SAMD3: variants seen among roughly 807,000 people sequenced by gnomAD.
SAMD3 encodes sterile alpha motif domain containing 3.
SAMD3 carries 63 observed loss-of-function variants against 58.5 expected under a neutral mutation model. The ratio of observed to expected loss-of-function variants is 1.08; its 90% confidence interval spans 0.88 to 1.33. The LOEUF (loss-of-function observed/expected upper bound fraction) is 1.33. SAMD3 is among the 40% of genes most tolerant of loss of function. SAMD3 has a pLI of 0.00. For missense variants in SAMD3, 604 were observed against 608.4 expected (o/e 0.99, Z 0.08); for synonymous variants, 220 against 210.3 (o/e 1.05, Z -0.40).
At chr6:130,273,614 A>G (rs1054879030) in intron 2 of SAMD3, among the ~76,000 whole-genome samples, 1 of 135,510 alleles carries the variant, frequency 7.4e-6, no homozygotes, top group Non-Finnish European at 1.6e-5. Flanking sequence ...TTTTTTTTGT[A>G]GATATAGTCT....
At chr6:130,281,005 G>A (rs1054363131) in intron 2 of SAMD3, among the ~76,000 whole-genome samples, 1 of 152,124 alleles carries the variant, frequency 6.6e-6, no homozygotes, top group African/African-American at 2.4e-5. Flanking sequence ...CTACACATAT[G>A]TGCCTATAAT....
intron 2 of SAMD3, among the ~76,000 whole-genome samples, chr6:130,279,139 T>C (rs1277788396): frequency 6.6e-6 from 1 of 152,204 alleles, no homozygotes; most frequent in Non-Finnish European, 1.5e-5. Flanking sequence ...AGTATTATTA[T>C]AAGATTATAG....
At chr6:130,257,161 C>G (rs1583015149) in intron 2 of SAMD3, among the ~76,000 whole-genome samples, 2 of 152,248 alleles carry the variant, frequency 1.3e-5, no homozygotes, top group East Asian at 1.9e-4. Flanking sequence ...CTCTGTCTCT[C>G]TCTCTCTCTC....
chr6:130,280,329 GTAATGACATACCTCT>G (rs746192155), intron 2 of SAMD3, among the ~76,000 whole-genome samples: 8 of 151,946 alleles, frequency 5.3e-5, no homozygotes, highest in Non-Finnish European at 1.0e-4. Context: ...ATAATGGCAT[GTAATGACATACCTCT>G]TACCCTTCTC....
chr6:130,312,936 T>G (rs1583088642), intron 2 of SAMD3: 2 of 152,346 alleles, frequency 1.3e-5, no homozygotes, highest in African/African-American at 4.8e-5. Flanking sequence ...AGTCTCGTAG[T>G]GCATAGCACG....
upstream of SAMD3, chr6:130,365,439 G>C: frequency 1.0e-6 from 1 of 985,530 alleles, no homozygotes; most frequent in Non-Finnish European, 1.2e-6. Flanking sequence ...GCCAGGTTTG[G>C]TTTAGCTCGC....
intron 2 of SAMD3, among the ~76,000 whole-genome samples, chr6:130,253,337 G>C (rs9483099): frequency 0.024 from 3,580 of 152,296 alleles, 141 homozygotes; most frequent in African/African-American, 0.082. Flanking sequence ...TCTGGGTGCA[G>C]TCCTTGTTTA....
At chr6:130,145,966 A>G in intron 10 of SAMD3, 44 bp downstream of exon 10, 1 of 1,216,040 alleles carries the variant, frequency 8.2e-7, no homozygotes, top group Non-Finnish European at 1.1e-6. Context: ...AGATATTCTG[A>G]TAAATAACAG....
At chr6:130,292,348 G>C (rs950148640) in intron 2 of SAMD3, among the ~76,000 whole-genome samples, 8 of 147,314 alleles carry the variant, frequency 5.4e-5, no homozygotes, top group African/African-American at 2.0e-4. Context: ...GTTCAGTGGC[G>C]CAATCTCAGC....
intron 2 of SAMD3, among the ~76,000 whole-genome samples, chr6:130,299,482 G>T (rs985738722): frequency 6.6e-6 from 1 of 152,036 alleles, no homozygotes; most frequent in African/African-American, 2.4e-5. Context: ...TAAGAGAAAA[G>T]TTTATAGCAC....
At chr6:130,288,671 A>C (rs1775255891) in intron 2 of SAMD3, among the ~76,000 whole-genome samples, 1 of 152,212 alleles carries the variant, frequency 6.6e-6, no homozygotes, top group Admixed American at 6.5e-5. Flanking sequence ...GGTAACTCCA[A>C]ATCTATGGCT....
At chr6:130,161,228 A>G (rs1472442558) in intron 8 of SAMD3, 1 of 152,180 alleles carries the variant, frequency 6.6e-6, no homozygotes, top group African/African-American at 2.4e-5. Context: ...TAAACTACAT[A>G]TATGTTACGT....
chr6:130,257,919 G>A (rs1773978756), intron 2 of SAMD3, among the ~76,000 whole-genome samples: 1 of 152,040 alleles, frequency 6.6e-6, no homozygotes, highest in East Asian at 1.9e-4. Flanking sequence ...AGGCAAAAAT[G>A]GAAGTATACG....
At chr6:130,209,745 G>A (rs1015885896) in intron 4 of SAMD3, 137 bp from the exon 5 acceptor site, 1 of 545,000 alleles carries the variant, frequency 1.8e-6, no homozygotes, top group Non-Finnish European at 3.2e-6. Flanking sequence ...TTAGACTCAT[G>A]ACTAAGAGAA....
intron 7 of SAMD3, chr6:130,183,512 C>T (rs572214490): frequency 2.1e-4 from 85 of 408,386 alleles, no homozygotes; most frequent in Non-Finnish European, 3.2e-4. Flanking sequence ...CACTTGATGA[C>T]AGCTCCGAAG....
upstream of SAMD3, among the ~76,000 whole-genome samples, chr6:130,227,788 CAAAA>C (rs113229702): frequency 7.9e-6 from 1 of 126,682 alleles, no homozygotes. Context: ...AACTCCATCT[CAAAA>C]AAAAAAAAAA....
rs1277247541 is a variant in SAMD3, at chr6:130,144,471, A to C, written c.*49T>G. 1 of 1,560,348 alleles carries C rather than the reference A, an allele frequency of 6.4e-7. No homozygotes were observed. The highest frequency in any genetic ancestry group is 8.7e-7 in the Non-Finnish European group (1 of 1,151,260). On this transcript the variant is annotated 3_prime_UTR_variant, in exon 12 of 12. Coordinates refer to ENST00000439090, the MANE Select transcript of SAMD3 (RefSeq NM_001017373.4). ...CCTAAATCAAAACAATTTCTTATGA[A>C]GCTTCAGTTTTCCCAGAGGTAAATT...
At chr6:130,247,631 C>T (rs773010816) in intron 2 of SAMD3, among the ~76,000 whole-genome samples, 9 of 152,100 alleles carry the variant, frequency 5.9e-5, no homozygotes, top group South Asian at 2.1e-4. Flanking sequence ...GGAAGATGCT[C>T]AGTGAACTAC....
chr6:130,303,882 C>CACA (rs2114978206), intron 2 of SAMD3, among the ~76,000 whole-genome samples: 1 of 152,188 alleles, frequency 6.6e-6, no homozygotes, highest in Non-Finnish European at 1.5e-5. Flanking sequence ...TGTTGCAAGT[C>CACA]TATCTTCCAG....
Sources: gnomAD v4.1 joint callset for allele counts (sites outside exome capture counted in the v4.1 genomes callset) on GRCh38, gnomAD v4.1.1 for gene constraint, MANE v1.5 for transcripts, NCBI Gene and HGNC (gene_info 2026-07-23, HGNC 2026-07-21) for gene names.